Variants in CSE1L observed in about 807,000 individuals in gnomAD.
The protein encoded by CSE1L is chromosome segregation 1 like.
A neutral mutation model predicts 120.4 loss-of-function variants in CSE1L; 24 were observed. That is an observed-to-expected ratio of 0.20 (90% confidence interval 0.14 to 0.28). The LOEUF is 0.28. Ranked by LOEUF, CSE1L falls within the 10% of genes least tolerant of loss-of-function variation. CSE1L has a pLI of 1.00. For missense variants in CSE1L, 830 were observed against 1,145.2 expected, an observed-to-expected ratio of 0.72 and a Z score of 3.97; for synonymous variants, 402 against 398.3, an observed-to-expected ratio of 1.01 and a Z score of -0.11.
intron 1 of CSE1L, among the ~76,000 whole-genome samples, chr20:49,056,096 G>A (rs555741654): frequency 2.0e-4 from 30 of 151,510 alleles, no homozygotes; most frequent in Non-Finnish European, 3.7e-4. Flanking sequence ...AGCATAAGTG[G>A]AGTTTTCTAA....
At chr20:49,079,972 G>A (rs567960187) in intron 14 of CSE1L, among the ~76,000 whole-genome samples, 3 of 152,118 alleles carry the variant, frequency 2.0e-5, no homozygotes, top group Admixed American at 6.5e-5. Context: ...TACTCGGGAG[G>A]CTGAGACATG....
At position 49,096,744 on chromosome 20, in the gene CSE1L, G is replaced by A; in HGVS notation, c.*306G>A. 1 of 303,162 alleles carries A rather than the reference G, an allele frequency of 3.3e-6. No individual in the cohort carries two copies. The highest frequency in any genetic ancestry group is 6.1e-6 in the Non-Finnish European group (1 of 162,676). 18.8% of individuals were successfully genotyped at this position (303,162 alleles called of 1,614,324 possible). On this transcript the variant is annotated 3_prime_UTR_variant, in exon 25 of 25. Transcript: ENST00000262982. ...ATAATCTTAAATTTTGACGGACACT[G>A]TGGAGACTTTCTGTTACTAAATCCT...
intron 22 of CSE1L, among the ~76,000 whole-genome samples, chr20:49,093,124 A>T (rs901616659): frequency 6.6e-6 from 1 of 152,232 alleles, no homozygotes; most frequent in African/African-American, 2.4e-5. Context: ...CAAAAATTCT[A>T]CATTGACTAA....
intron 24 of CSE1L, 36 bp from the exon 25 acceptor site, chr20:49,096,313 C>T (rs374412583): frequency 1.3e-6 from 2 of 1,536,502 alleles, no homozygotes; most frequent in Non-Finnish European, 1.8e-6. Context: ...GCACCAAGAT[C>T]TCCAACAGCC....
chr20:49,054,003 G>A (rs551654933), intron 1 of CSE1L, among the ~76,000 whole-genome samples: 8 of 152,334 alleles, frequency 5.3e-5, no homozygotes, highest in African/African-American at 1.9e-4. Context: ...TGAGTTTAAA[G>A]TGCTTTGTAT....
At chr20:49,055,345 G>A (rs946402221) in intron 1 of CSE1L, among the ~76,000 whole-genome samples, 2 of 152,144 alleles carry the variant, frequency 1.3e-5, no homozygotes, top group African/African-American at 4.8e-5. Context: ...TGGCATTTCA[G>A]TTGTGTCTTG....
chr20:49,060,093 A>C (rs997655997), intron 2 of CSE1L, among the ~76,000 whole-genome samples: 2 of 150,844 alleles, frequency 1.3e-5, no homozygotes, highest in Admixed American at 6.6e-5. Flanking sequence ...GCTGAGACAA[A>C]AGCTTCACTT....
In CSE1L at chr20:49,091,050, A is replaced by G. The variant is rs539627315; in HGVS notation, c.2365+28A>G. 1.3e-5 allele frequency: 18 copies of G among 1,390,754 alleles called. No homozygotes were observed. The African/African-American group carries it at 2.1e-4, about 17-fold the overall frequency. The allele number at this position is 1,390,754 out of a possible 1,614,324, so 86.2% of individuals were successfully genotyped here. On this transcript the variant is annotated intron_variant, in intron 21 of 24. Coordinates refer to ENST00000262982, the MANE Select transcript of CSE1L (RefSeq NM_001316.4). ...AAGTAAAATCATCTGGATGTTCTACAGAAGTAATGAAAGAAGGTAGCTAAA... is the reference window on the plus strand; with the variant it reads ...AAGTAAAATCATCTGGATGTTCTACGGAAGTAATGAAAGAAGGTAGCTAAA...
Position 49,053,347 on chromosome 20 carries a change from C to CTTTTT in CSE1L, c.-11-5082_-11-5078dup, listed in dbSNP as rs11419181. On this transcript the variant is annotated intron_variant, in intron 1 of 24. Transcript: ENST00000262982. The stretch of plus-strand genomic sequence containing the variant: ...ATTTAACTTGACCACAGCAAACTAA[C>CTTTTT]TTTTTTTTTTTTTTTTTTTTTTTTT... 2.8e-4 allele frequency among the ~76,000 whole-genome samples: 18 copies of CTTTTT among 63,776 alleles called. 1 individual carries two copies. The highest frequency in any genetic ancestry group is 9.8e-3 in the Middle Eastern group (1 of 102). The allele number at this position is 63,776 out of a possible 152,430, so 41.8% of individuals were successfully genotyped here.
Position 49,064,633 on chromosome 20 carries a change from T to G in CSE1L, c.228+1289T>G, listed in dbSNP as rs528764964. Among the ~76,000 whole-genome samples, 3 of 152,206 alleles carry G rather than the reference T, an allele frequency of 2.0e-5. No individual in the cohort carries two copies. The East Asian group carries it at 5.8e-4, about 29-fold the overall frequency. On this transcript the variant is annotated intron_variant, in intron 3 of 24. Transcript: ENST00000262982. ...GAGGCTGAGATGAGGGGATCACTTG[T>G]GCCTGGGAGGCAGAGGTTGCAATGA...
chr20:49,062,507 G>T (rs1276746310), intron 2 of CSE1L, among the ~76,000 whole-genome samples: 1 of 151,928 alleles, frequency 6.6e-6, no homozygotes, highest in Non-Finnish European at 1.5e-5. Flanking sequence ...TAAATTTTTT[G>T]GATAAATTCA....
chr20:49,083,242 A>C (rs1481458990), intron 14 of CSE1L, among the ~76,000 whole-genome samples: 1 of 151,754 alleles, frequency 6.6e-6, no homozygotes, highest in Non-Finnish European at 1.5e-5. Flanking sequence ...GATGGTCTTG[A>C]TCTCATGACC....
At chr20:49,076,933 T>C (rs533667234) in intron 12 of CSE1L, 47 bp from the exon 13 acceptor site, 24 of 1,203,504 alleles carry the variant, frequency 2.0e-5, no homozygotes, top group East Asian at 2.4e-5. Flanking sequence ...GTGATAGATA[T>C]ATACAGGTAT....
intron 8 of CSE1L, among the ~76,000 whole-genome samples, chr20:49,071,412 A>G (rs896979007): frequency 1.9e-4 from 29 of 152,220 alleles, no homozygotes; most frequent in African/African-American, 6.3e-4. Flanking sequence ...CCAGTTAACC[A>G]TGTGCTACCT....
chr20:49,063,984 T>G (rs189001661), intron 3 of CSE1L, among the ~76,000 whole-genome samples: 2 of 152,346 alleles, frequency 1.3e-5, no homozygotes, highest in Admixed American at 1.3e-4. Flanking sequence ...ACAGGCATTT[T>G]TTTTCCTTAG....
At chr20:49,085,524 C>A in intron 16 of CSE1L, 138 bp downstream of exon 16, 12 of 250,626 alleles carry the variant, frequency 4.8e-5, no homozygotes, top group East Asian at 2.6e-4. Context: ...TTAGATATTT[C>A]AAAATGAAAA....
intron 1 of CSE1L, among the ~76,000 whole-genome samples, chr20:49,051,841 G>A (rs537683281): frequency 1.3e-5 from 2 of 152,266 alleles, no homozygotes; most frequent in Admixed American, 1.3e-4. Flanking sequence ...GAGACTACAA[G>A]TGCTCGCCAC....
intron 2 of CSE1L, 71 bp from the exon 3 acceptor site, chr20:49,063,131 T>C (rs2091864933): frequency 1.3e-6 from 1 of 755,736 alleles, no homozygotes; most frequent in South Asian, 3.8e-5. Flanking sequence ...TTTTTTTATA[T>C]ATATATATTT....
chr20:49,072,913 C>T (rs2091943382), intron 10 of CSE1L, among the ~76,000 whole-genome samples: 1 of 152,146 alleles, frequency 6.6e-6, no homozygotes, highest in Non-Finnish European at 1.5e-5. Flanking sequence ...TCAAAAATTC[C>T]TTTACACTAA....
Sources: gnomAD v4.1 joint callset for allele counts (sites outside exome capture counted in the v4.1 genomes callset) on GRCh38, gnomAD v4.1.1 for gene constraint, MANE v1.5 for transcripts, NCBI Gene and HGNC (gene_info 2026-07-23, HGNC 2026-07-21) for gene names.